Variants in RASGRF2 observed in about 807,000 individuals in gnomAD.
RASGRF2 encodes the protein ras-specific guanine nucleotide-releasing factor 2.
Under a neutral mutation model 151.0 loss-of-function variants are expected in RASGRF2, and 76 were observed. That is an observed-to-expected ratio of 0.50 (90% CI 0.42 to 0.61). RASGRF2 has a LOEUF of 0.61. RASGRF2 is among the 20% of genes least tolerant of loss of function. The pLI, the probability that RASGRF2 is intolerant of heterozygous loss-of-function variation, is 0.00. For missense variants in RASGRF2, 1,148 were observed against 1,564.6 expected (o/e 0.73, Z 4.49); for synonymous variants, 504 against 566.5 (o/e 0.89, Z 1.57).
chr5:81,153,936 C>CAAA (rs556291739), intron 17 of RASGRF2, among the ~76,000 whole-genome samples: 2,440 of 125,506 alleles, frequency 0.019, 28 homozygotes, highest in Middle Eastern at 0.033. Flanking sequence ...ACTGTAAGAC[C>CAAA]AAAAAAAAAA....
At chr5:80,978,642 C>G (rs1300144247) in intron 1 of RASGRF2, among the ~76,000 whole-genome samples, 13 of 152,070 alleles carry the variant, frequency 8.5e-5, no homozygotes. Flanking sequence ...TAAAAATTAG[C>G]TGGGCGCGAT....
chr5:81,183,236 T>C, intron 18 of RASGRF2: 1 of 980,836 alleles, frequency 1.0e-6, no homozygotes, highest in Non-Finnish European at 1.2e-6. Flanking sequence ...TCAATCAAGA[T>C]GTAGATTTAC....
chr5:81,089,171 C>A (rs769181694), intron 9 of RASGRF2, among the ~76,000 whole-genome samples: 8 of 152,048 alleles, frequency 5.3e-5, no homozygotes, highest in Non-Finnish European at 1.0e-4. Flanking sequence ...TTACATAGCA[C>A]CCTTAACGAC....
At chr5:81,182,541 C>T (rs1754939500) in intron 18 of RASGRF2, among the ~76,000 whole-genome samples, 1 of 152,102 alleles carries the variant, frequency 6.6e-6, no homozygotes, top group Non-Finnish European at 1.5e-5. Flanking sequence ...CCCTTTCTTC[C>T]TTTTACTGAC....
chr5:80,966,023 T>G (rs1463651440), intron 1 of RASGRF2, among the ~76,000 whole-genome samples: 1 of 152,064 alleles, frequency 6.6e-6, no homozygotes, highest in East Asian at 1.9e-4. Context: ...TTTTCACAGG[T>G]TTAAAGTGGC....
intron 1 of RASGRF2, among the ~76,000 whole-genome samples, chr5:81,007,514 G>T (rs1454213315): frequency 6.6e-6 from 1 of 152,076 alleles, no homozygotes; most frequent in East Asian, 1.9e-4. Context: ...GAGCCCTATT[G>T]TCAGCTGCCC....
At chr5:81,026,926 G>C (rs1750055671) in intron 1 of RASGRF2, among the ~76,000 whole-genome samples, 1 of 152,206 alleles carries the variant, frequency 6.6e-6, no homozygotes, top group Admixed American at 6.5e-5. Flanking sequence ...TTTGGGGAAA[G>C]ATTTCGTGAA....
intron 15 of RASGRF2, among the ~76,000 whole-genome samples, chr5:81,120,356 C>G (rs938255564): frequency 2.6e-5 from 4 of 152,026 alleles, no homozygotes; most frequent in African/African-American, 9.7e-5. Context: ...GTGGAAGGAT[C>G]GCTGGAGCCT....
Position 80,996,969 on chromosome 5 carries a change from T to C in RASGRF2, c.288+35943T>C, listed in dbSNP as rs547764999. ...AAATTTAAAAGCTTGAGGCACATGA[T>C]AAAAATTAGCTGGCAATAAAGATTT... On this transcript the variant is annotated intron_variant, in intron 1 of 26. Coordinates refer to ENST00000265080, the MANE Select transcript of RASGRF2 (RefSeq NM_006909.3). Among the ~76,000 whole-genome samples, 11 of 152,290 alleles carry C rather than the reference T, an allele frequency of 7.2e-5. No homozygotes were observed. The East Asian group carries it at 2.1e-3, about 29-fold the overall frequency.
chr5:81,001,817 C>T (rs1472805872), intron 1 of RASGRF2, among the ~76,000 whole-genome samples: 3 of 152,166 alleles, frequency 2.0e-5, no homozygotes, highest in Admixed American at 6.5e-5. Context: ...AATAGACAAA[C>T]AGTGCCCAGC....
At position 81,068,296 on chromosome 5, in the gene RASGRF2, C is replaced by T. The variant is rs893669718; in HGVS notation, c.543+117C>T. 5.7e-5 allele frequency: 69 copies of T among 1,214,704 alleles called. No individual in the cohort carries two copies. The African/African-American group carries it at 9.3e-4, about 16-fold the overall frequency. 75.2% of individuals were successfully genotyped at this position (1,214,704 alleles called of 1,614,324 possible). On this transcript the variant is annotated intron_variant, in intron 3 of 26. Coordinates refer to ENST00000265080, the MANE Select transcript of RASGRF2 (RefSeq NM_006909.3). ...ATCCCAGGCTGACTTCCTCTGACAT[C>T]AACACATACGTGGCTGGGCCTGACC...
intron 17 of RASGRF2, among the ~76,000 whole-genome samples, chr5:81,179,657 C>G (rs1489534131): frequency 6.6e-6 from 1 of 152,160 alleles, no homozygotes; most frequent in Non-Finnish European, 1.5e-5. Flanking sequence ...AAAATCTACT[C>G]TTGTAGTATT....
chr5:81,002,567 T>C (rs531856701), intron 1 of RASGRF2, among the ~76,000 whole-genome samples: 1 of 152,290 alleles, frequency 6.6e-6, no homozygotes, highest in Middle Eastern at 3.4e-3. Context: ...TAATTACTAC[T>C]GGGTAAATGC....
Position 81,185,033 on chromosome 5 carries a change from C to G in RASGRF2, c.2793+4752C>G, listed in dbSNP as rs551846738. Among the ~76,000 whole-genome samples the G allele has an allele frequency of 3.9e-5, 6 of 152,246 alleles. No homozygotes were observed. The South Asian group carries it at 1.2e-3, about 31-fold the overall frequency. On this transcript the variant is annotated intron_variant, in intron 18 of 26. Coordinates refer to ENST00000265080, the MANE Select transcript of RASGRF2 (RefSeq NM_006909.3). ...AGGTAAAATAGGTAGCAGCAACAGC[C>G]TGCATGGCCTTAATGGAGTGGCTCG...
At chr5:81,185,496 A>G (rs1404302974) in intron 18 of RASGRF2, among the ~76,000 whole-genome samples, 1 of 152,160 alleles carries the variant, frequency 6.6e-6, no homozygotes, top group Non-Finnish European at 1.5e-5. Flanking sequence ...GGGGGAGTTG[A>G]AAATGACTCA....
At chr5:81,147,558 G>C (rs1754034346) in intron 17 of RASGRF2, among the ~76,000 whole-genome samples, 1 of 152,162 alleles carries the variant, frequency 6.6e-6, no homozygotes, top group South Asian at 2.1e-4. Context: ...AACTGAAATC[G>C]AGTAAAATAA....
intron 15 of RASGRF2, among the ~76,000 whole-genome samples, chr5:81,117,749 T>G (rs1332950689): frequency 1.3e-5 from 2 of 152,182 alleles, no homozygotes; most frequent in Non-Finnish European, 2.9e-5. Flanking sequence ...GAATCAGATA[T>G]GGGTGAGACT....
At chr5:81,133,309 G>A (rs1003293496) in intron 17 of RASGRF2, among the ~76,000 whole-genome samples, 3 of 152,188 alleles carry the variant, frequency 2.0e-5, no homozygotes, top group Admixed American at 6.5e-5. Context: ...ACTCTATACA[G>A]GATAGGACTG....
chr5:81,009,411 T>C lies in RASGRF2; in HGVS notation c.289-33466T>C, dbSNP rs116718931. On this transcript the variant is annotated intron_variant, in intron 1 of 26. Transcript: ENST00000265080. ...GATATAGCATCACATATGGGGCCAC[T>C]CAGTCGCTAAAATTGTGATGTGAGT... Among the ~76,000 whole-genome samples, 1,063 of 152,276 alleles carry C rather than the reference T, an allele frequency of 7.0e-3. 9 individuals carry two copies. Among genetic ancestry groups the C allele is most frequent in the Middle Eastern group, 0.01 (3 of 294 alleles).
Sources: allele counts gnomAD v4.1 joint callset (sites outside exome capture counted in the v4.1 genomes callset), GRCh38; gene constraint gnomAD v4.1.1; transcripts MANE v1.5; gene names NCBI Gene and HGNC (gene_info 2026-07-23, HGNC 2026-07-21).